Variants in TENM1 observed in about 807,000 individuals in gnomAD.
TENM1 encodes the protein teneurin transmembrane protein 1.
A neutral mutation model predicts 174.8 loss-of-function variants in TENM1; 35 were observed. That is an observed-to-expected ratio of 0.20 (90% CI 0.15 to 0.27). The LOEUF (loss-of-function observed/expected upper bound fraction) is 0.27. Ranked by LOEUF, TENM1 falls within the 10% of genes least tolerant of loss-of-function variation. The pLI is 1.00. For missense variants in TENM1, 1,633 were observed against 2,130.1 expected (o/e 0.77, Z 4.59); for synonymous variants, 781 against 798.7 (o/e 0.98, Z 0.37).
At chrX:124,546,011 G>A (rs1303332867) in intron 15 of TENM1, among the ~76,000 whole-genome samples, 2 of 112,144 alleles carry the variant, frequency 1.8e-5, no homozygotes, top group East Asian at 2.8e-4. Flanking sequence ...TCAAGATGGA[G>A]TTGTAATTTT....
chrX:124,463,728 C>A (rs757045059), intron 22 of TENM1, among the ~76,000 whole-genome samples: 1 of 110,873 alleles, frequency 9.0e-6, no homozygotes, highest in African/African-American at 3.3e-5. Flanking sequence ...CCGTGCAACT[C>A]GCTAAGGAAG....
At chrX:124,947,668 T>A (rs1317163725) in intron 1 of TENM1, among the ~76,000 whole-genome samples, 2 of 112,053 alleles carry the variant, frequency 1.8e-5, no homozygotes, top group Non-Finnish European at 3.8e-5. Context: ...CTGCTGTCGT[T>A]GTTATTCTAG....
intron 23 of TENM1, among the ~76,000 whole-genome samples, chrX:124,433,491 T>A (rs2060801656): frequency 9.0e-6 from 1 of 111,450 alleles, no homozygotes; most frequent in African/African-American, 3.3e-5. Flanking sequence ...ATCCAGTACT[T>A]CTCTCTTATT....
chrX:124,584,442 A>T (rs1027249154), intron 11 of TENM1, among the ~76,000 whole-genome samples: 2 of 110,642 alleles, frequency 1.8e-5, no homozygotes, highest in Non-Finnish European at 3.8e-5. Context: ...ACTAAGCTTC[A>T]TAAGTGAAGG....
chrX:124,438,741 G>T (rs953116222), intron 23 of TENM1, among the ~76,000 whole-genome samples: 10 of 111,441 alleles, frequency 9.0e-5, no homozygotes, highest in Non-Finnish European at 1.7e-4. Flanking sequence ...TGAGGATGTT[G>T]GCCTGCTGTT....
At chrX:125,119,113 A>T in the TENM1 span, among the ~76,000 whole-genome samples, 1 of 112,299 alleles carries the variant, frequency 8.9e-6, no homozygotes, top group African/African-American at 3.2e-5. Flanking sequence ...ATTTAAAAAA[A>T]CTTGTTCTAG....
chrX:125,176,192 A>G, the TENM1 span, among the ~76,000 whole-genome samples: 1 of 100,309 alleles, frequency 1.0e-5, no homozygotes, highest in Non-Finnish European at 2.1e-5. Context: ...AACAGCCAGC[A>G]CTCACTTGGT....
chrX:124,426,736 G>A (rs1232276323), intron 23 of TENM1, among the ~76,000 whole-genome samples: 1 of 112,171 alleles, frequency 8.9e-6, no homozygotes, highest in Non-Finnish European at 1.9e-5. Flanking sequence ...CTAGGAATTT[G>A]AGTGCTAATG....
At chrX:125,006,481 G>T in the TENM1 span, among the ~76,000 whole-genome samples, 2 of 111,848 alleles carry the variant, frequency 1.8e-5, no homozygotes, top group Non-Finnish European at 3.8e-5. Flanking sequence ...GAAGAGTGCG[G>T]CTGATCCTGA....
chrX:124,651,027 A>G lies in TENM1; in HGVS notation c.1579+887T>C, dbSNP rs16999342. 9.7e-3 allele frequency among the ~76,000 whole-genome samples: 1,095 copies of G among 112,325 alleles called. 12 individuals are homozygous for G. The highest frequency in any genetic ancestry group is 0.034 in the African/African-American group (1,058 of 30,953). ...TCTATTAAAGTCAACACATCTTCCTAAACATATGGCTGAACAGGTTAACTA... is the reference window on the plus strand; with the variant it reads ...TCTATTAAAGTCAACACATCTTCCTGAACATATGGCTGAACAGGTTAACTA... On this transcript the variant is annotated intron_variant, in intron 8 of 31. Transcript: ENST00000422452.
chrX:125,134,994 T>C, the TENM1 span, among the ~76,000 whole-genome samples: 1 of 110,920 alleles, frequency 9.0e-6, no homozygotes, highest in South Asian at 3.9e-4. Flanking sequence ...GAGAAGGTCC[T>C]AAACAGCAAA....
chrX:125,134,070 T>C, the TENM1 span, among the ~76,000 whole-genome samples: 1 of 111,904 alleles, frequency 8.9e-6, no homozygotes, highest in Non-Finnish European at 1.9e-5. Flanking sequence ...CCATGTATAC[T>C]GCAACCACAC....
the TENM1 span, among the ~76,000 whole-genome samples, chrX:125,023,752 G>T: frequency 1.1e-4 from 12 of 111,599 alleles, no homozygotes; most frequent in Non-Finnish European, 5.7e-5. Context: ...GCCTCCCTGA[G>T]GCTAAGACCT....
chrX:125,162,019 C>T, the TENM1 span, among the ~76,000 whole-genome samples: 1 of 111,746 alleles, frequency 8.9e-6, no homozygotes, highest in Non-Finnish European at 1.9e-5. Flanking sequence ...AGGAAGGCTC[C>T]TTGCGGTAAA....
intron 3 of TENM1, among the ~76,000 whole-genome samples, chrX:124,836,425 A>G (rs1451426533): frequency 9.0e-6 from 1 of 111,714 alleles, no homozygotes; most frequent in Non-Finnish European, 1.9e-5. Flanking sequence ...CAGTCTGACC[A>G]CTATCTTTTA....
chrX:125,003,540 A>G, the TENM1 span, among the ~76,000 whole-genome samples: 3 of 111,618 alleles, frequency 2.7e-5, no homozygotes, highest in Non-Finnish European at 5.6e-5. Flanking sequence ...GATGTTAGCC[A>G]CCTCTAACAT....
the TENM1 span, among the ~76,000 whole-genome samples, chrX:125,169,106 A>G: frequency 1.8e-5 from 2 of 110,783 alleles, no homozygotes; most frequent in Non-Finnish European, 1.9e-5. Flanking sequence ...GTGCCCAGCC[A>G]TGTATACCCC....
chrX:124,834,802 G>A (rs2056360336), intron 3 of TENM1, among the ~76,000 whole-genome samples: 1 of 112,091 alleles, frequency 8.9e-6, no homozygotes, highest in Non-Finnish European at 1.9e-5. Flanking sequence ...CACAATTTTA[G>A]TAAACCAATA....
intron 4 of TENM1, among the ~76,000 whole-genome samples, chrX:124,715,620 C>CT (rs1185323994): frequency 9.4e-6 from 1 of 106,244 alleles, no homozygotes; most frequent in African/African-American, 3.4e-5. Flanking sequence ...TTTTTTTTTC[C>CT]TTTTCTTTTC....
Sources: gnomAD v4.1 joint callset for allele counts (sites outside exome capture counted in the v4.1 genomes callset) on GRCh38, gnomAD v4.1.1 for gene constraint, MANE v1.5 for transcripts, NCBI Gene and HGNC (gene_info 2026-07-23, HGNC 2026-07-21) for gene names.